KREMEN1: variants seen among roughly 807,000 people sequenced by gnomAD.
KREMEN1 encodes the protein kremen protein 1.
KREMEN1 carries 30 observed loss-of-function variants against 46.5 expected under a neutral mutation model. The observed-to-expected ratio is 0.65, with a 90% CI of 0.48 to 0.88. KREMEN1 has a LOEUF of 0.88. KREMEN1 is among the 40% of genes least tolerant of loss of function. The probability of loss-of-function intolerance (pLI) is 0.00; values close to 1 mark genes in which losing one functional copy is unlikely to be tolerated. For missense variants in KREMEN1, 533 were observed against 596.9 expected, an observed-to-expected ratio of 0.89 and a Z score of 1.11; for synonymous variants, 214 against 230.6, an observed-to-expected ratio of 0.93 and a Z score of 0.65.
rs1569328288 is a variant in KREMEN1, at chr22:29,125,354, G to A, written c.569G>A (p.Ser190Asn). 2 of 1,614,072 alleles carry A rather than the reference G, an allele frequency of 1.2e-6. No individual in the cohort carries two copies. The highest frequency in any genetic ancestry group is 1.3e-5 in the African/African-American group (1 of 74,918). ...YGEAASTECN[S>N]VCFGDHTQPC... ...GAGGCAGCCAGTACCGAATGCAACAGCGTCTGCTTCGGGGATCACACCCAA... is the reference window on the plus strand; with the variant it reads ...GAGGCAGCCAGTACCGAATGCAACAACGTCTGCTTCGGGGATCACACCCAA... The change falls in exon 5 of 9, where the codon AGC (serine) becomes AAC (asparagine). Residue 190 changes from serine (S) to asparagine (N), a missense_variant. Physicochemically the swap from Ser to Asn is conservative, Grantham distance 46. Coordinates refer to ENST00000400335, the MANE Select transcript of KREMEN1 (RefSeq NM_001039570.3).
chr22:29,143,289 A>T lies in KREMEN1; in HGVS notation c.*1177A>T. ...TTGCCACTGAGCAGCTCATGGTCCTATGGAACCTGAGCCAGGCCTCAGTCT... is the reference window on the plus strand; with the variant it reads ...TTGCCACTGAGCAGCTCATGGTCCTTTGGAACCTGAGCCAGGCCTCAGTCT... On this transcript the variant is annotated 3_prime_UTR_variant, in exon 9 of 9. Transcript: ENST00000400335. The T allele has an allele frequency of 1.0e-6, 1 of 985,464 alleles. No homozygotes were observed. Among genetic ancestry groups the T allele is most frequent in the Non-Finnish European group, 1.2e-6 (1 of 829,936 alleles). 61.0% of individuals were successfully genotyped at this position (985,464 alleles called of 1,614,324 possible). A position where few individuals can be genotyped will look rare whatever the true frequency, so the allele number is the denominator to read the frequency against.
chr22:29,097,608 AT>A (rs1326809350), intron 2 of KREMEN1, among the ~76,000 whole-genome samples: 1 of 151,840 alleles, frequency 6.6e-6, no homozygotes, highest in Non-Finnish European at 1.5e-5. Context: ...TTTTTATTTT[AT>A]TTTTTTATTT....
rs1368205630 is a variant in KREMEN1 at position 29,081,008 on chromosome 22, C to CT, written c.97+7784dup. Among the ~76,000 whole-genome samples, 7 of 54,400 alleles carry CT rather than the reference C, an allele frequency of 1.3e-4. No individual in the cohort carries two copies. In the East Asian group the frequency reaches 3.6e-3, roughly 28 times the overall value. The allele number at this position is 54,400 out of a possible 152,430, so 35.7% of individuals were successfully genotyped here. ...CCAGCAATGAATTTTTTTTTTTATA[C>CT]TTTAAGTTTTAGGGTACATGTGCAC... is the stretch of plus-strand genomic sequence containing the variant. On this transcript the variant is annotated intron_variant, in intron 1 of 8. Coordinates refer to ENST00000400335, the MANE Select transcript of KREMEN1 (RefSeq NM_001039570.3).
chr22:29,136,234 T>C (rs1413766300), intron 5 of KREMEN1, among the ~76,000 whole-genome samples: 1 of 151,374 alleles, frequency 6.6e-6, no homozygotes, highest in Non-Finnish European at 1.5e-5. Context: ...CTTGTTGTTT[T>C]CTACATCCTA....
At chr22:29,141,880 C>A in intron 8 of KREMEN1, 64 bp from the exon 9 acceptor site, 1 of 1,311,878 alleles carries the variant, frequency 7.6e-7, no homozygotes, top group Non-Finnish European at 1.0e-6. Flanking sequence ...TACAGTATCT[C>A]GTGAGATGGT....
At chr22:29,135,287 G>A (rs572919000) in intron 5 of KREMEN1, among the ~76,000 whole-genome samples, 20 of 152,170 alleles carry the variant, frequency 1.3e-4, no homozygotes, top group Non-Finnish European at 2.6e-4. Context: ...GAATTTCAAG[G>A]AGGCTGAAAT....
chr22:29,088,899 C>A lies in KREMEN1; in HGVS notation c.98-5359C>A, dbSNP rs141512641. 1.3e-5 allele frequency among the ~76,000 whole-genome samples: 2 copies of A among 152,092 alleles called. 1 individual carries two copies. The highest frequency in any genetic ancestry group is 3.9e-4 in the East Asian group (2 of 5,192). ...GAAAAGCTGAGGTCTGGCTCTAGAGCCCCTAACATACGCTTTCCATACTCT... is the reference window on the plus strand; with the variant it reads ...GAAAAGCTGAGGTCTGGCTCTAGAGACCCTAACATACGCTTTCCATACTCT... On this transcript the variant is annotated intron_variant, in intron 1 of 8. Coordinates refer to ENST00000400335, the MANE Select transcript of KREMEN1 (RefSeq NM_001039570.3).
At chr22:29,117,131 A>T (rs1477857065) in intron 3 of KREMEN1, among the ~76,000 whole-genome samples, 1 of 152,196 alleles carries the variant, frequency 6.6e-6, no homozygotes, top group East Asian at 1.9e-4. Flanking sequence ...GGTGGAATAC[A>T]TTAAAACGTG....
chr22:29,157,495 G>A (rs577640954), intron 9 of KREMEN1, among the ~76,000 whole-genome samples: 21 of 152,160 alleles, frequency 1.4e-4, no homozygotes, highest in Non-Finnish European at 2.9e-4. Context: ...GTGCCACCAC[G>A]CCCAGCTAAT....
chr22:29,137,290 G>A (rs918350603), intron 5 of KREMEN1, 52 bp from the exon 6 acceptor site: 106 of 1,294,194 alleles, frequency 8.2e-5, no homozygotes, highest in Admixed American at 1.1e-4. Flanking sequence ...TTGGAAGCGC[G>A]CCTGTGGCAA....
chr22:29,140,933 T>C (rs991227029), intron 8 of KREMEN1, among the ~76,000 whole-genome samples: 1 of 152,246 alleles, frequency 6.6e-6, no homozygotes, highest in Non-Finnish European at 1.5e-5. Context: ...ATGCTACTAA[T>C]GTTTGTGTAC....
intron 3 of KREMEN1, chr22:29,099,564 TTTTTTG>T: frequency 7.0e-6 from 1 of 143,384 alleles, no homozygotes; most frequent in African/African-American, 2.6e-5. Context: ...TTTTTTTTTT[TTTTTTG>T]TGACAGAGTC....
At chr22:29,159,947 A>G (rs1306216285) in intron 9 of KREMEN1, among the ~76,000 whole-genome samples, 1 of 152,206 alleles carries the variant, frequency 6.6e-6, no homozygotes, top group Non-Finnish European at 1.5e-5. Flanking sequence ...TAGCCCCATA[A>G]TAGTGGAGGA....
intron 1 of KREMEN1, among the ~76,000 whole-genome samples, chr22:29,080,697 T>C (rs1294736460): frequency 4.6e-5 from 7 of 152,192 alleles, no homozygotes; most frequent in Non-Finnish European, 1.0e-4. Flanking sequence ...GACCATTTCT[T>C]CTAACTCAGT....
intron 1 of KREMEN1, among the ~76,000 whole-genome samples, chr22:29,084,983 T>G (rs1422927531): frequency 6.6e-6 from 1 of 152,186 alleles, no homozygotes; most frequent in African/African-American, 2.4e-5. Flanking sequence ...ACATAAAACA[T>G]TACAGTGATT....
At chr22:29,119,568 C>T (rs922224802) in intron 3 of KREMEN1, among the ~76,000 whole-genome samples, 10 of 152,190 alleles carry the variant, frequency 6.6e-5, no homozygotes, top group East Asian at 3.8e-4. Context: ...ATGCTCTGGT[C>T]ACCCAGAAAA....
intron 1 of KREMEN1, among the ~76,000 whole-genome samples, chr22:29,084,990 G>T (rs112194339): frequency 7.7e-4 from 118 of 152,300 alleles, no homozygotes; most frequent in African/African-American, 2.7e-3. Context: ...ACATTACAGT[G>T]ATTTTTGTTG....
rs924555094 is a variant in KREMEN1 at position 29,131,704 on chromosome 22, A to G, written c.632-5638A>G. Among the ~76,000 whole-genome samples, 48 of 133,628 alleles carry G rather than the reference A, an allele frequency of 3.6e-4. 3 individuals are homozygous for G. The highest frequency in any genetic ancestry group is 1.4e-3 in the African/African-American group (43 of 31,260). 87.7% of individuals were successfully genotyped at this position (133,628 alleles called of 152,430 possible). A position where few individuals can be genotyped will look rare whatever the true frequency, so the allele number is the denominator to read the frequency against. ...CATATATACATGTATATATGTGTATATATATGTATATATGTATATATATGT... is the reference window on the plus strand; with the variant it reads ...CATATATACATGTATATATGTGTATGTATATGTATATATGTATATATATGT... On this transcript the variant is annotated intron_variant, in intron 5 of 8. Coordinates refer to ENST00000400335, the MANE Select transcript of KREMEN1 (RefSeq NM_001039570.3).
In KREMEN1 at chr22:29,139,419, T is replaced by C. The variant is rs151199356; in HGVS notation, c.1123+637T>C. On this transcript the variant is annotated intron_variant, in intron 7 of 8. Transcript: ENST00000400335. ...GAGTTCGAGACTAGCCTGAGCAACATAGGGAGACCCTTTCTCTACAAAAAA... is the reference window on the plus strand; with the variant it reads ...GAGTTCGAGACTAGCCTGAGCAACACAGGGAGACCCTTTCTCTACAAAAAA... Among the ~76,000 whole-genome samples, 1,365 of 151,272 alleles carry C rather than the reference T, an allele frequency of 9.0e-3. 14 individuals are homozygous for C. The highest frequency in any genetic ancestry group is 0.032 in the African/African-American group (1,302 of 41,156).
Sources: allele counts gnomAD v4.1 joint callset (sites outside exome capture counted in the v4.1 genomes callset), GRCh38; gene constraint gnomAD v4.1.1; transcripts MANE v1.5; gene names NCBI Gene and HGNC (gene_info 2026-07-23, HGNC 2026-07-21).